ARHGAP24: variants seen among roughly 807,000 people sequenced by gnomAD.
The protein encoded by ARHGAP24 is Rho GTPase activating protein 24, also known as rho GTPase-activating protein 24.
ARHGAP24 carries 50 observed loss-of-function variants against 76.4 expected under a neutral mutation model. The ratio of observed to expected loss-of-function variants is 0.65; its 90% CI spans 0.52 to 0.83. ARHGAP24 has a LOEUF of 0.83. Ranked by LOEUF, ARHGAP24 falls within the 40% of genes least tolerant of loss-of-function variation. The pLI is 0.00. For missense variants in ARHGAP24, 930 were observed against 914.2 expected (o/e 1.02, Z -0.22); for synonymous variants, 345 against 323.3 (o/e 1.07, Z -0.72).
At chr4:85,800,201 A>G (rs1258467118) in intron 3 of ARHGAP24, among the ~76,000 whole-genome samples, 1 of 152,186 alleles carries the variant, frequency 6.6e-6, no homozygotes, top group East Asian at 1.9e-4. Flanking sequence ...AGTATACAGG[A>G]ACTCTATTAT....
chr4:85,731,168 T>TGC (rs1725393349), intron 3 of ARHGAP24, among the ~76,000 whole-genome samples: 3 of 17,744 alleles, frequency 1.7e-4, no homozygotes, highest in Non-Finnish European at 5.1e-4. Context: ...CAAAACCACC[T>TGC]TCTTATACCA....
rs1740614017 is a variant in ARHGAP24, at chr4:85,995,568, C to A, written c.1914C>A (p.Ser638Arg). The A allele has an allele frequency of 6.2e-7, 1 of 1,613,074 alleles. No homozygotes were observed. Among genetic ancestry groups the A allele is most frequent in the Non-Finnish European group, 8.5e-7 (1 of 1,179,488 alleles). ...DNSETFVGNS[S>R]SNHSALHSLV... ...GTGAGACATTTGTGGGCAACAGCAG[C>A]AGCAACCACAGTGCACTGCACAGTT... is the stretch of plus-strand genomic sequence containing the variant. Residue 638 changes from serine to arginine, a missense_variant, in exon 9 of 10, where the codon AGC becomes AGA. Transcript: ENST00000395184.
chr4:85,971,944 A>G, intron 5 of ARHGAP24, 92 bp from the exon 6 acceptor site: 1 of 1,586,718 alleles, frequency 6.3e-7, no homozygotes, highest in South Asian at 1.1e-5. Flanking sequence ...GCCAACTTGG[A>G]TAGAATTCTG....
At chr4:85,505,238 T>C (rs1414793397) in intron 1 of ARHGAP24, among the ~76,000 whole-genome samples, 1 of 152,190 alleles carries the variant, frequency 6.6e-6, no homozygotes, top group African/African-American at 2.4e-5. Flanking sequence ...TGTGGTGTTC[T>C]CTGTATTTCC....
chr4:85,541,840 A>T (rs1325979380), intron 1 of ARHGAP24, among the ~76,000 whole-genome samples: 8 of 152,132 alleles, frequency 5.3e-5, no homozygotes, highest in African/African-American at 1.9e-4. Flanking sequence ...TTGACGTTTG[A>T]GTTGGACCTC....
At chr4:85,750,685 G>A (rs1420607180) in intron 3 of ARHGAP24, among the ~76,000 whole-genome samples, 2 of 151,450 alleles carry the variant, frequency 1.3e-5, no homozygotes, top group East Asian at 1.9e-4. Flanking sequence ...TTGTAGAGAC[G>A]GCATTTCACC....
intron 3 of ARHGAP24, among the ~76,000 whole-genome samples, chr4:85,791,191 A>G (rs1409601204): frequency 1.3e-5 from 2 of 152,190 alleles, no homozygotes; most frequent in South Asian, 2.1e-4. Flanking sequence ...AAAAGTAGGT[A>G]GGGTTAGAAC....
At chr4:85,507,812 T>C (rs555509311) in intron 1 of ARHGAP24, among the ~76,000 whole-genome samples, 1 of 152,342 alleles carries the variant, frequency 6.6e-6, no homozygotes, top group South Asian at 2.1e-4. Context: ...TTGCCTTGAA[T>C]AGAAGTGATA....
At chr4:85,730,274 G>A (rs1001161171) in intron 3 of ARHGAP24, among the ~76,000 whole-genome samples, 6 of 152,150 alleles carry the variant, frequency 3.9e-5, no homozygotes, top group African/African-American at 1.4e-4. Flanking sequence ...TGAAAAACAT[G>A]TCCCATATTT....
At chr4:85,564,447 C>T (rs192478353) in intron 1 of ARHGAP24, among the ~76,000 whole-genome samples, 980 of 84,228 alleles carry the variant, frequency 0.012, 10 homozygotes, top group Admixed American at 0.017. Flanking sequence ...ATGTAAATGA[C>T]GAGTTAATGG....
At chr4:85,601,778 A>G (rs964100199) in intron 2 of ARHGAP24, among the ~76,000 whole-genome samples, 1 of 152,138 alleles carries the variant, frequency 6.6e-6, no homozygotes, top group Admixed American at 6.5e-5. Flanking sequence ...GTAGGTAAAC[A>G]TAAAAGGAAA....
At chr4:85,634,231 G>A (rs1418798057) in intron 2 of ARHGAP24, among the ~76,000 whole-genome samples, 1 of 151,808 alleles carries the variant, frequency 6.6e-6, no homozygotes, top group Non-Finnish European at 1.5e-5. Context: ...CAGAATTTAT[G>A]AGCTCTATAT....
At chr4:85,828,926 A>G (rs1474031655) in intron 3 of ARHGAP24, among the ~76,000 whole-genome samples, 1 of 152,162 alleles carries the variant, frequency 6.6e-6, no homozygotes, top group Non-Finnish European at 1.5e-5. Flanking sequence ...GTACTGTGTA[A>G]GTAGAAGAAG....
At chr4:85,780,251 G>A (rs1727485094) in intron 3 of ARHGAP24, among the ~76,000 whole-genome samples, 1 of 152,004 alleles carries the variant, frequency 6.6e-6, no homozygotes, top group African/African-American at 2.4e-5. Context: ...TTGGCTCACT[G>A]CAACCTCCAC....
At chr4:85,917,905 C>T (rs13435823) in intron 3 of ARHGAP24, among the ~76,000 whole-genome samples, 26,884 of 151,966 alleles carry the variant, frequency 0.18, 2,536 homozygotes, top group South Asian at 0.34. Context: ...AAGTAATGCA[C>T]ATAGGAACAA....
chr4:85,977,698 A>T lies in ARHGAP24; in HGVS notation c.928+7A>T. 6.2e-7 allele frequency: 1 copy of T among 1,613,416 alleles called. No individual in the cohort carries two copies. The highest frequency in any genetic ancestry group is 2.2e-5 in the East Asian group (1 of 44,828). Reference sequence around the variant, plus strand: ...CCTTTGACTATCATGGAGGGTAAGTAAATGATTATCTTATACCCTTATCAA... The same window carrying T: ...CCTTTGACTATCATGGAGGGTAAGTTAATGATTATCTTATACCCTTATCAA... On this transcript the variant is annotated splice_region_variant and intron_variant, in intron 8 of 9. Coordinates refer to ENST00000395184, the MANE Select transcript of ARHGAP24 (RefSeq NM_001025616.3).
chr4:85,846,855 AT>A (rs1293604709), intron 3 of ARHGAP24, among the ~76,000 whole-genome samples: 1 of 152,212 alleles, frequency 6.6e-6, no homozygotes, highest in Non-Finnish European at 1.5e-5. Flanking sequence ...CTTATTCATT[AT>A]TTATGTGTCA....
chr4:85,995,821 T>G (rs1740629751), intron 9 of ARHGAP24, among the ~76,000 whole-genome samples, 164 bp downstream of exon 9: 1 of 152,188 alleles, frequency 6.6e-6, no homozygotes, highest in African/African-American at 2.4e-5. Context: ...TAGCTTCATC[T>G]CTGTGAGCTT....
At chr4:85,522,735 T>A (rs1209364037) in intron 1 of ARHGAP24, among the ~76,000 whole-genome samples, 1 of 152,196 alleles carries the variant, frequency 6.6e-6, no homozygotes, top group Non-Finnish European at 1.5e-5. Context: ...AGATTTGAAC[T>A]CAGATATCTG....
Sources: allele counts gnomAD v4.1 joint callset (sites outside exome capture counted in the v4.1 genomes callset), GRCh38; gene constraint gnomAD v4.1.1; transcripts MANE v1.5; gene names NCBI Gene and HGNC (gene_info 2026-07-23, HGNC 2026-07-21).